The following ZNF621 variants were observed in gnomAD, a reference collection of about 807,000 sequenced individuals.
ZNF621 encodes zinc finger protein 621.
Under a neutral mutation model 12.7 loss-of-function variants are expected in ZNF621, and 6 were observed. That is an observed-to-expected ratio of 0.47 (90% CI 0.26 to 0.93). ZNF621 has a LOEUF of 0.93. Among genes scored for constraint, ZNF621 ranks in the 40% least tolerant of loss-of-function variants. ZNF621 has a pLI of 0.15. For missense variants in ZNF621, 474 were observed against 524.0 expected, an observed-to-expected ratio of 0.90 and a Z score of 0.93; for synonymous variants, 156 against 190.3, an observed-to-expected ratio of 0.82 and a Z score of 1.48.
At chr3:40,524,094 A>G (rs181892105), upstream of ZNF621, among the ~76,000 whole-genome samples, 378 of 152,322 alleles carry the variant, frequency 2.5e-3, 8 homozygotes, top group Non-Finnish European at 2.8e-4. Flanking sequence ...CCTTTCCTGA[A>G]TATGAAAAGT....
rs1462346478 is a variant in ZNF621, at chr3:40,535,906, T to C, written c.*2816T>C. The stretch of plus-strand genomic sequence containing the variant: ...ATCAATTCATAAATTAAAAACAATA[T>C]AAAAATTCCAGAGGGGTGTGTGTAT... On this transcript the variant is annotated 3_prime_UTR_variant, in exon 5 of 5. Transcript: ENST00000339296. 2 of 152,062 alleles carry C rather than the reference T, an allele frequency of 1.3e-5. No individual in the cohort carries two copies. 9.4% of individuals were successfully genotyped at this position (152,062 alleles called of 1,614,324 possible). A position where few individuals can be genotyped will look rare whatever the true frequency, so the allele number is the denominator to read the frequency against.
intron 2 of ZNF621, 118 bp from the exon 3 acceptor site, chr3:40,529,201 C>G: frequency 7.8e-7 from 1 of 1,289,898 alleles, no homozygotes; most frequent in Non-Finnish European, 1.1e-6. Context: ...TTGAGCAGAC[C>G]TTACATGGGG....
chr3:40,533,221 A>G lies in ZNF621; in HGVS notation c.*131A>G. On this transcript the variant is annotated 3_prime_UTR_variant, in exon 5 of 5. Coordinates refer to ENST00000339296, the MANE Select transcript of ZNF621 (RefSeq NM_198484.5). ...GGTGGTGTGATCTTGGCTCACTGCAACCTCCCCCTCCTGGGTTCAAGCGAT... is the reference window on the plus strand; with the variant it reads ...GGTGGTGTGATCTTGGCTCACTGCAGCCTCCCCCTCCTGGGTTCAAGCGAT... 1.4e-6 allele frequency: 2 copies of G among 1,393,478 alleles called. No homozygotes were observed. Among genetic ancestry groups the G allele is most frequent in the Non-Finnish European group, 1.9e-6 (2 of 1,059,630 alleles). 86.3% of individuals were successfully genotyped at this position (1,393,478 alleles called of 1,614,324 possible).
Position 40,532,971 on chromosome 3 carries a change from C to G in ZNF621, c.1201C>G (p.Leu401Val), listed in dbSNP as rs548711274. 1.9e-6 allele frequency: 3 copies of G among 1,552,274 alleles called. No homozygotes were observed. In the South Asian group the frequency reaches 3.6e-5, roughly 18 times the overall value. ...LIPTSGNFFM[L>V]LPTSGIPSSS... ...TCCTACCTCTGGGAATTTTTTCATG[C>G]TGCTGCCTACATCTGGAATACCTTC... is the stretch of plus-strand genomic sequence containing the variant. Residue 401 changes from leucine (L) to valine (V), a missense_variant, in exon 5 of 5, where the codon CTG (leucine) becomes GTG (valine). Leu to Val is a conservative substitution (Grantham distance 32, BLOSUM62 1). Transcript: ENST00000339296.
chr3:40,524,475 G>A (rs1028517646), upstream of ZNF621, among the ~76,000 whole-genome samples: 1 of 152,180 alleles, frequency 6.6e-6, no homozygotes, highest in African/African-American at 2.4e-5. Context: ...CGCACATCTA[G>A]GTCCTTGGAA....
At chr3:40,530,697 C>T (rs1175479633) in intron 4 of ZNF621, among the ~76,000 whole-genome samples, 1 of 152,200 alleles carries the variant, frequency 6.6e-6, no homozygotes, top group African/African-American at 2.4e-5. Flanking sequence ...TTTATTTGTG[C>T]TATAGCTATA....
chr3:40,529,663 C>T, intron 3 of ZNF621: 1 of 1,313,682 alleles, frequency 7.6e-7, no homozygotes, highest in Non-Finnish European at 1.0e-6. Context: ...CGCTCTGTCA[C>T]CTAGGCTGGA....
Position 40,538,274 on chromosome 3 carries a change from A to C in ZNF621, c.*5184A>C. The C allele has an allele frequency of 2.5e-6, 1 of 399,746 alleles. No homozygotes were observed. Among genetic ancestry groups the C allele is most frequent in the Non-Finnish European group, 4.9e-6 (1 of 204,042 alleles). The allele number at this position is 399,746 out of a possible 1,614,324, so 24.8% of individuals were successfully genotyped here. ...ACACTTGTAATCCCAACACTTTGGGAGGCCAAGGCAGGTGGATCAGTTGAG... is the reference window on the plus strand; with the variant it reads ...ACACTTGTAATCCCAACACTTTGGGCGGCCAAGGCAGGTGGATCAGTTGAG... On this transcript the variant is annotated 3_prime_UTR_variant, in exon 5 of 5. Transcript: ENST00000339296.
At chr3:40,527,091 C>G (rs1698601271) in intron 2 of ZNF621, among the ~76,000 whole-genome samples, 1 of 152,170 alleles carries the variant, frequency 6.6e-6, no homozygotes, top group Non-Finnish European at 1.5e-5. Context: ...GATCTTCGCT[C>G]ACTGCAACCT....
chr3:40,536,247 A>AT lies in ZNF621; in HGVS notation c.*3163dup, dbSNP rs1415475986. Reference sequence around the variant, plus strand: ...TAGTGTGTGCCACCACGCCCAGCTAATTTTTTAATTTTTAGTAGAGACAGG... The same window carrying AT: ...TAGTGTGTGCCACCACGCCCAGCTAATTTTTTTAATTTTTAGTAGAGACAGG... On this transcript the variant is annotated 3_prime_UTR_variant, in exon 5 of 5. Transcript: ENST00000339296. The AT allele has an allele frequency of 6.6e-6, 1 of 152,012 alleles. No individual in the cohort carries two copies. The highest frequency in any genetic ancestry group is 1.5e-5 in the Non-Finnish European group (1 of 68,030). 9.4% of individuals were successfully genotyped at this position (152,012 alleles called of 1,614,324 possible).
rs911191611 is a variant in ZNF621 at position 40,539,684 on chromosome 3, A to T, written c.*6594A>T. Reference sequence around the variant, plus strand: ...TTTATCAGTAATAATATCTTATTTCATGGTTGTCCAGAAGTTACATAACTT... The same window carrying T: ...TTTATCAGTAATAATATCTTATTTCTTGGTTGTCCAGAAGTTACATAACTT... On this transcript the variant is annotated 3_prime_UTR_variant, in exon 5 of 5. Coordinates refer to ENST00000339296, the MANE Select transcript of ZNF621 (RefSeq NM_198484.5). 6.6e-6 allele frequency: 1 copy of T among 152,182 alleles called. No homozygotes were observed. Among genetic ancestry groups the T allele is most frequent in the Non-Finnish European group, 1.5e-5 (1 of 68,036 alleles). The allele number at this position is 152,182 out of a possible 1,614,324, so 9.4% of individuals were successfully genotyped here.
intron 2 of ZNF621, among the ~76,000 whole-genome samples, chr3:40,527,893 G>A (rs1219201756): frequency 6.6e-6 from 1 of 152,190 alleles, no homozygotes; most frequent in Non-Finnish European, 1.5e-5. Context: ...AAATTGGGCA[G>A]AAAGCAAGAG....
In ZNF621 at chr3:40,525,636, C is replaced by A. The variant is rs1698560689; in HGVS notation, c.-62-143C>A. 5.9e-6 allele frequency: 4 copies of A among 681,858 alleles called. No individual in the cohort carries two copies. In the South Asian group the frequency reaches 6.7e-5, roughly 11 times the overall value. The allele number at this position is 681,858 out of a possible 1,614,324, so 42.2% of individuals were successfully genotyped here. ...AGAACAATTCATAAGAAGTTTGGGG[C>A]TATCAGCGTGAGAACAATTAGAGGG... On this transcript the variant is annotated intron_variant, in intron 1 of 4. Coordinates refer to ENST00000339296, the MANE Select transcript of ZNF621 (RefSeq NM_198484.5).
At chr3:40,526,748 G>A (rs928334862) in intron 2 of ZNF621, among the ~76,000 whole-genome samples, 2 of 152,200 alleles carry the variant, frequency 1.3e-5, no homozygotes, top group African/African-American at 4.8e-5. Context: ...TTTAAGCAGG[G>A]GGATGACATG....
chr3:40,526,962 TCTCCTGCCTTAGC>T (rs1320173808), intron 2 of ZNF621, among the ~76,000 whole-genome samples: 1 of 152,168 alleles, frequency 6.6e-6, no homozygotes, highest in Non-Finnish European at 1.5e-5. Flanking sequence ...TTCAGGCAAT[TCTCCTGCCTTAGC>T]CTCCCAAGTA....
Position 40,539,056 on chromosome 3 carries a change from G to A in ZNF621, c.*5966G>A, listed in dbSNP as rs140729073. On this transcript the variant is annotated 3_prime_UTR_variant, in exon 5 of 5. Transcript: ENST00000339296. ...GCCACAAAAGTGGTTTCTTGAGATG[G>A]AAACTACTCCTGGTGAAGATCCTGT... The A allele has an allele frequency of 3.2e-5, 5 of 154,154 alleles. No individual in the cohort carries two copies. Among genetic ancestry groups the A allele is most frequent in the Non-Finnish European group, 7.2e-5 (5 of 69,410 alleles). The allele number at this position is 154,154 out of a possible 1,614,324, so 9.5% of individuals were successfully genotyped here.
Position 40,533,035 on chromosome 3 carries a change from C to T in ZNF621, c.1265C>T (p.Thr422Ile). 7.1e-6 allele frequency: 11 copies of T among 1,551,780 alleles called. No individual in the cohort carries two copies. The highest frequency in any genetic ancestry group is 9.6e-6 in the Non-Finnish European group (11 of 1,147,010). The change falls in exon 5 of 5, where the codon ACT becomes ATT. Residue 422 changes from threonine to isoleucine, a missense_variant. Physicochemically the swap from Thr to Ile is moderately conservative, Grantham distance 89 (BLOSUM62 -1). Coordinates refer to ENST00000339296, the MANE Select transcript of ZNF621 (RefSeq NM_198484.5). ...AQIVRVFQGL[T>I]PTVKPSPVIL... Reference sequence around the variant, plus strand: ...ATAGTGCGTGTCTTCCAGGGTCTTACTCCCACTGTGAAACCTTCCCCAGTT... The same window carrying T: ...ATAGTGCGTGTCTTCCAGGGTCTTATTCCCACTGTGAAACCTTCCCCAGTT...
rs1698817497 is a variant in ZNF621, at chr3:40,534,620, A to G, written c.*1530A>G. On this transcript the variant is annotated 3_prime_UTR_variant, in exon 5 of 5. Transcript: ENST00000339296. ...AAAGAAGAGTTTTCTCTCTTGCACA[A>G]ATTCTGATTTTGGCTATCTGTGGTG... is the stretch of plus-strand genomic sequence containing the variant. 1 of 152,152 alleles carries G rather than the reference A, an allele frequency of 6.6e-6. No individual in the cohort carries two copies. Among genetic ancestry groups the G allele is most frequent in the Admixed American group, 6.6e-5 (1 of 15,262 alleles). The allele number at this position is 152,152 out of a possible 1,614,324, so 9.4% of individuals were successfully genotyped here. A position where few individuals can be genotyped will look rare whatever the true frequency, so the allele number is the denominator to read the frequency against.
chr3:40,532,847 G>T lies in ZNF621; in HGVS notation c.1077G>T (p.Gln359His). 6.2e-7 allele frequency: 1 copy of T among 1,613,740 alleles called. No individual in the cohort carries two copies. Among genetic ancestry groups the T allele is most frequent in the Non-Finnish European group, 8.5e-7 (1 of 1,179,854 alleles). Residue 359 changes from glutamine (Q) to histidine (H), a missense_variant, in exon 5 of 5, where the codon CAG (glutamine) becomes CAT (histidine). By Grantham distance (24) the Gln-to-His change is conservative. Coordinates refer to ENST00000339296, the MANE Select transcript of ZNF621 (RefSeq NM_198484.5). ...KVLGPSLVSP[Q>H]CSSPAIPPVL... ...TTGGGCCATCCCTGGTCAGTCCCCA[G>T]TGCTCCTCTCCAGCCATACCTCCTG...
Sources: gnomAD v4.1 joint callset for allele counts (sites outside exome capture counted in the v4.1 genomes callset) on GRCh38, gnomAD v4.1.1 for gene constraint, MANE v1.5 for transcripts, NCBI Gene and HGNC (gene_info 2026-07-23, HGNC 2026-07-21) for gene names.